Variants in PCDHA10 observed in about 807,000 individuals in gnomAD.
PCDHA10 encodes the protein protocadherin alpha-10.
In PCDHA10, 45 loss-of-function variants were observed where a neutral mutation model predicts 61.2. That is an observed-to-expected ratio of 0.74 (90% CI 0.58 to 0.94). The LOEUF is 0.94. PCDHA10 is among the 40% of genes least tolerant of loss of function. The pLI is 0.00. For synonymous variants in PCDHA10, 602 were observed against 548.8 expected, an observed-to-expected ratio of 1.10 and a Z score of -1.35; for missense variants, 1,278 against 1,236.2, an observed-to-expected ratio of 1.03 and a Z score of -0.51.
At chr5:140,966,737 G>A (rs1466161811) in intron 1 of PCDHA10, 4 of 1,420,882 alleles carry the variant, frequency 2.8e-6, no homozygotes, top group Non-Finnish European at 3.7e-6. Flanking sequence ...CTCCGGCCCT[G>A]CCCGGCTGCC....
Position 140,857,949 on chromosome 5 carries a change from G to A in PCDHA10, c.1901G>A (p.Arg634His), listed in dbSNP as rs1554150927. The change falls in exon 1 of 4, where the codon CGC becomes CAC. Residue 634 changes from arginine (R) to histidine (H), a missense_variant. Physicochemically the swap from Arg to His is conservative, Grantham distance 29. Coordinates refer to ENST00000307360, the MANE Select transcript of PCDHA10 (RefSeq NM_018901.4). Reference protein sequence around the residue: ...GLYTGEISTTRALDETDSPRQ... With the variant: ...GLYTGEISTTHALDETDSPRQ... ...TACACGGGCGAGATCAGTACGACGC[G>A]CGCTCTGGATGAGACTGACTCGCCA... The A allele has an allele frequency of 1.9e-6, 3 of 1,597,424 alleles. No individual in the cohort carries two copies. Among genetic ancestry groups the A allele is most frequent in the Non-Finnish European group, 2.6e-6 (3 of 1,167,450 alleles).
At chr5:140,982,417 GA>G (rs1554244117) in intron 2 of PCDHA10, 57 bp from the exon 3 acceptor site, 1 of 1,610,428 alleles carries the variant, frequency 6.2e-7, no homozygotes, top group African/African-American at 1.3e-5. Flanking sequence ...GAGGGTGGAA[GA>G]AGAGATGGGA....
rs782379229 is a variant in PCDHA10, at chr5:140,927,578, A to G, written c.2389-51371A>G. ...ATCATTGTGGTGGACACAAATGACAACGCGCCTGTATTTGAGCGCTCCGTA... is the reference window on the plus strand; with the variant it reads ...ATCATTGTGGTGGACACAAATGACAGCGCGCCTGTATTTGAGCGCTCCGTA... On this transcript the variant is annotated intron_variant, in intron 1 of 3. Transcript: ENST00000307360. 1.5e-5 allele frequency: 24 copies of G among 1,614,024 alleles called. No homozygotes were observed. The highest frequency in any genetic ancestry group is 2.0e-5 in the Non-Finnish European group (24 of 1,180,026).
At chr5:140,927,063 C>G in intron 1 of PCDHA10, 1 of 1,611,332 alleles carries the variant, frequency 6.2e-7, no homozygotes. Context: ...ACTTTCGCTT[C>G]CTTTCCAGCC....
chr5:140,948,547 A>G (rs1054072354), intron 1 of PCDHA10, among the ~76,000 whole-genome samples: 9 of 151,490 alleles, frequency 5.9e-5, no homozygotes, highest in Admixed American at 5.9e-4. Flanking sequence ...ATGCTCTGTC[A>G]ATTTTGTTAA....
chr5:140,870,347 AGAACGTGTGGGCCTAT>A (rs782552389), intron 1 of PCDHA10: 3 of 1,614,176 alleles, frequency 1.9e-6, no homozygotes, highest in Non-Finnish European at 2.5e-6. Flanking sequence ...CTGGACCGCG[AGAACGTGTGGGCCTAT>A]GAACTGGTGG....
In PCDHA10 at chr5:140,858,172, G is replaced by A. The variant is rs1554151243; in HGVS notation, c.2124G>A (p.Leu708=). The A allele has an allele frequency of 6.3e-7, 1 of 1,597,816 alleles. No individual in the cohort carries two copies. Among genetic ancestry groups the A allele is most frequent in the South Asian group, 1.1e-5 (1 of 90,526 alleles). The change falls in exon 1 of 4, where the codon TTG becomes TTA. Residue 708 remains leucine, a synonymous_variant. Coordinates refer to ENST00000307360, the MANE Select transcript of PCDHA10 (RefSeq NM_018901.4). ...TCGCCATCTGCGCGGTGTCCAGCTT[G>A]CTGGTGCTCACGCTGCTGCTGTACA... ...LIIAICAVSS[L]LVLTLLLYTA...
intron 1 of PCDHA10, among the ~76,000 whole-genome samples, chr5:140,885,444 T>C (rs2060598536): frequency 1.3e-5 from 2 of 152,198 alleles, no homozygotes; most frequent in South Asian, 2.1e-4. Flanking sequence ...TGCAATTATA[T>C]ATTATTTACC....
At chr5:140,987,429 G>A (rs1402576200) in intron 3 of PCDHA10, among the ~76,000 whole-genome samples, 1 of 152,096 alleles carries the variant, frequency 6.6e-6, no homozygotes, top group Non-Finnish European at 1.5e-5. Context: ...GAAGCAGGGG[G>A]CCTTTCCCCA....
At chr5:140,967,479 C>T (rs782390272) in intron 1 of PCDHA10, 7 of 1,613,262 alleles carry the variant, frequency 4.3e-6, no homozygotes, top group East Asian at 2.2e-5. Context: ...CCAGCCCGCT[C>T]GGGTACGGCA....
chr5:140,869,320 G>A, intron 1 of PCDHA10: 1 of 1,613,846 alleles, frequency 6.2e-7, no homozygotes, highest in Non-Finnish European at 8.5e-7. Flanking sequence ...AACACATGGG[G>A]ACCTTCTGGA....
chr5:140,954,996 A>G (rs879953600), intron 1 of PCDHA10, among the ~76,000 whole-genome samples: 16 of 152,214 alleles, frequency 1.1e-4, no homozygotes, highest in Non-Finnish European at 1.6e-4. Flanking sequence ...GCATATGGCT[A>G]GCCAATTCTC....
chr5:140,857,917 G>A lies in PCDHA10; in HGVS notation c.1869G>A (p.Val623=). ...TTGGTGCACGCATCCCGTTTCGCGTGGGGCTGTACACGGGCGAGATCAGTA... is the reference window on the plus strand; with the variant it reads ...TTGGTGCACGCATCCCGTTTCGCGTAGGGCTGTACACGGGCGAGATCAGTA... ...AAVGARIPFR[V]GLYTGEISTT... is the part of the protein sequence containing the mutation. The change falls in exon 1 of 4, where the codon GTG becomes GTA. Residue 623 remains valine (V), a synonymous_variant. Coordinates refer to ENST00000307360, the MANE Select transcript of PCDHA10 (RefSeq NM_018901.4). The A allele has an allele frequency of 6.3e-7, 1 of 1,597,868 alleles. No individual in the cohort carries two copies. The highest frequency in any genetic ancestry group is 1.1e-5 in the South Asian group (1 of 90,516).
chr5:141,010,001 A>G lies in PCDHA10; in HGVS notation c.*64A>G. The G allele has an allele frequency of 6.4e-7, 1 of 1,574,588 alleles. No homozygotes were observed. The highest frequency in any genetic ancestry group is 8.6e-7 in the Non-Finnish European group (1 of 1,164,348). On this transcript the variant is annotated 3_prime_UTR_variant, in exon 4 of 4. Transcript: ENST00000307360. ...TAATAATGGCAAATCTCTCCCATGT[A>G]GCAATTCCCTGCTCCTTTTTCCTAT...
rs1166002941 is a variant in PCDHA10 at position 141,000,351 on chromosome 5, G to A, written c.2537-9276G>A. ...ACAGCAAGGCCCTATCTCTCTCTCT[G>A]TCTCTCTCTGTCTCTCTCTCTCTCT... On this transcript the variant is annotated intron_variant, in intron 3 of 3. Transcript: ENST00000307360. Among the ~76,000 whole-genome samples the A allele has an allele frequency of 6.0e-5, 4 of 66,852 alleles. No homozygotes were observed. The Admixed American group carries it at 6.5e-4, about 11-fold the overall frequency. 43.9% of individuals were successfully genotyped at this position (66,852 alleles called of 152,430 possible).
chr5:140,918,115 A>T (rs185486488), intron 1 of PCDHA10, among the ~76,000 whole-genome samples: 1 of 152,080 alleles, frequency 6.6e-6, no homozygotes, highest in East Asian at 1.9e-4. Context: ...CACATCCTTG[A>T]TTAGCCATAT....
At position 140,993,462 on chromosome 5, in the gene PCDHA10, T is replaced by TCACACACACA. The variant is rs3836747; in HGVS notation, c.2536+10937_2536+10946dup. On this transcript the variant is annotated intron_variant, in intron 3 of 3. Coordinates refer to ENST00000307360, the MANE Select transcript of PCDHA10 (RefSeq NM_018901.4). Reference sequence around the variant, plus strand: ...CATTCCTGTTCTCCTTCTTTCTTTCTCACACACACACACACACACACACAC... The same window carrying TCACACACACA: ...CATTCCTGTTCTCCTTCTTTCTTTCTCACACACACACACACACACACACACACACACACAC... Among the ~76,000 whole-genome samples, 267 of 141,038 alleles carry TCACACACACA rather than the reference T, an allele frequency of 1.9e-3. 2 individuals are homozygous for TCACACACACA. The highest frequency in any genetic ancestry group is 2.7e-3 in the Non-Finnish European group (175 of 64,694). The allele number at this position is 141,038 out of a possible 152,430, so 92.5% of individuals were successfully genotyped here.
rs183230708 is a variant in PCDHA10, at chr5:140,914,004, A to G, written c.2388+55568A>G. Among the ~76,000 whole-genome samples, 112 of 152,288 alleles carry G rather than the reference A, an allele frequency of 7.4e-4. 1 individual carries two copies. Among genetic ancestry groups the G allele is most frequent in the Middle Eastern group, 6.8e-3 (2 of 294 alleles). On this transcript the variant is annotated intron_variant, in intron 1 of 3. Coordinates refer to ENST00000307360, the MANE Select transcript of PCDHA10 (RefSeq NM_018901.4). ...TTGTATTGTGACTAGCATATGGTCT[A>G]TCTTTGAGAATGATCCACGTGCTGA...
chr5:140,857,674 G>A lies in PCDHA10; in HGVS notation c.1626G>A (p.Pro542=), dbSNP rs1581464423. 2.5e-6 allele frequency: 4 copies of A among 1,596,892 alleles called. No individual in the cohort carries two copies. In the East Asian group the frequency reaches 6.7e-5, roughly 27 times the overall value. ...TGAGCGCGCGCGATGGGGGCGTGCC[G>A]CCTCTGGGCAGCAACTTGACGCTGC... ...FQVSARDGGV[P]PLGSNLTLQV... The change falls in exon 1 of 4, where the codon CCG becomes CCA. Residue 542 remains proline, a synonymous_variant. Coordinates refer to ENST00000307360, the MANE Select transcript of PCDHA10 (RefSeq NM_018901.4).
Sources: allele counts gnomAD v4.1 joint callset (sites outside exome capture counted in the v4.1 genomes callset), GRCh38; gene constraint gnomAD v4.1.1; transcripts MANE v1.5; gene names NCBI Gene and HGNC (gene_info 2026-07-23, HGNC 2026-07-21).